Variants in MOK observed in about 807,000 individuals in gnomAD.
MOK encodes MAPK/MAK/MRK overlapping kinase.
Under a neutral mutation model 54.2 loss-of-function variants are expected in MOK, and 59 were observed. The observed-to-expected ratio is 1.09, with a 90% CI of 0.88 to 1.35. The LOEUF is 1.35. Ranked by LOEUF, MOK falls within the 40% of genes most tolerant of loss-of-function variation. The pLI, the probability that MOK is intolerant of heterozygous loss-of-function variation, is 0.00. For synonymous variants in MOK, 210 were observed against 202.7 expected, an observed-to-expected ratio of 1.04 and a Z score of -0.31; for missense variants, 517 against 526.2, an observed-to-expected ratio of 0.98 and a Z score of 0.17.
chr14:102,303,809 C>T (rs1014255477), intron 1 of MOK, among the ~76,000 whole-genome samples: 9 of 152,090 alleles, frequency 5.9e-5, no homozygotes, highest in African/African-American at 2.2e-4. Flanking sequence ...AAAGCGAGCA[C>T]ACAAAAATAA....
chr14:102,229,563 C>G lies in MOK; in HGVS notation c.1076G>C (p.Arg359Thr), dbSNP rs761740131. ...CGTGGGGCTGGAGTAAGACGACAGT[C>G]TGACCACTCCCGAAAGCTTTAGTTT... ...LPKLKLSGVV[R>T]LSSYSSPTLQ... Residue 359 changes from arginine (R) to threonine (T), a missense_variant, in exon 11 of 12, where the codon AGA becomes ACA. Physicochemically the swap from Arg to Thr is moderately conservative, Grantham distance 71 (BLOSUM62 -1). Coordinates refer to ENST00000361847, the MANE Select transcript of MOK (RefSeq NM_014226.3). The G allele has an allele frequency of 1.9e-6, 3 of 1,614,078 alleles. No individual in the cohort carries two copies. Among genetic ancestry groups the G allele is most frequent in the East Asian group, 4.5e-5 (2 of 44,882 alleles).
chr14:102,304,814 C>A, intron 1 of MOK, 148 bp downstream of exon 1: 2 of 838,326 alleles, frequency 2.4e-6, no homozygotes, highest in Non-Finnish European at 3.7e-6. Context: ...TCGGGGCCCA[C>A]ATGCGGAGCC....
chr14:102,276,779 G>A (rs1301855379), intron 2 of MOK, among the ~76,000 whole-genome samples: 17 of 137,704 alleles, frequency 1.2e-4, no homozygotes, highest in Non-Finnish European at 2.0e-4. Context: ...CAACAAGAGC[G>A]AAACTCCGTC....
the MOK span, among the ~76,000 whole-genome samples, chr14:102,216,823 G>A: frequency 2.6e-5 from 4 of 152,274 alleles, no homozygotes; most frequent in Admixed American, 6.5e-5. Context: ...CCAGCTACTC[G>A]GAAGGCTGAG....
chr14:102,300,564 C>A (rs1181024704), intron 1 of MOK, among the ~76,000 whole-genome samples: 1 of 151,970 alleles, frequency 6.6e-6, no homozygotes, highest in East Asian at 1.9e-4. Context: ...AAAGTTCAGA[C>A]AGGAAAAAAG....
At chr14:102,260,144 C>G (rs2067267588) in intron 4 of MOK, among the ~76,000 whole-genome samples, 1 of 151,054 alleles carries the variant, frequency 6.6e-6, no homozygotes. Flanking sequence ...CCATTGCACT[C>G]CAGCCTGGGC....
At position 102,235,777 on chromosome 14, in the gene MOK, G is replaced by A. The variant is rs529341756; in HGVS notation, c.591-1988C>T. Among the ~76,000 whole-genome samples, 20 of 152,154 alleles carry A rather than the reference G, an allele frequency of 1.3e-4. No individual in the cohort carries two copies. Among genetic ancestry groups the A allele is most frequent in the Admixed American group, 1.2e-3 (19 of 15,290 alleles). On this transcript the variant is annotated intron_variant, in intron 7 of 11. Coordinates refer to ENST00000361847, the MANE Select transcript of MOK (RefSeq NM_014226.3). The surrounding 1 kb of genome is among the most constrained non-coding windows in gnomAD (Gnocchi z 4.4). ...CCATTTTATTTCCCAATCTGCCCCC[G>A]ACATCTGGCGCAAACTTAAAAAGGC...
chr14:102,239,147 C>T (rs902405833), intron 7 of MOK, among the ~76,000 whole-genome samples: 4 of 152,164 alleles, frequency 2.6e-5, no homozygotes, highest in African/African-American at 9.7e-5. Context: ...CACCCAACAG[C>T]TCTCCCAGTC....
chr14:102,269,469 C>CTTTTTTTTTT (rs549235481), intron 2 of MOK, among the ~76,000 whole-genome samples: 1 of 129,378 alleles, frequency 7.7e-6, no homozygotes, highest in Non-Finnish European at 1.7e-5. Flanking sequence ...CCACAACCAG[C>CTTTTTTTTTT]TTTTTTTTTT....
downstream of MOK, among the ~76,000 whole-genome samples, chr14:102,220,988 G>A (rs879293454): frequency 1.7e-4 from 26 of 152,088 alleles, no homozygotes; most frequent in Non-Finnish European, 2.5e-4. The surrounding 1 kb of genome is among the most constrained non-coding windows in gnomAD (Gnocchi z 4.2). Context: ...GCTGGTCTCA[G>A]ACTCCTGGGC....
chr14:102,228,123 C>T (rs1208566736), downstream of MOK, among the ~76,000 whole-genome samples: 1 of 152,214 alleles, frequency 6.6e-6, no homozygotes, highest in Non-Finnish European at 1.5e-5. Flanking sequence ...ACAGGTTTCT[C>T]TTTCTAGGAC....
rs554221860 is a variant in MOK, at chr14:102,233,865, A to C, written c.591-76T>G. ...ACCTCACCAATTACAAACCATCTGG[A>C]CCGCACAAGGGGAGATCGTGGGAAG... On this transcript the variant is annotated intron_variant, in intron 7 of 11. Transcript: ENST00000361847. 1.7e-5 allele frequency: 18 copies of C among 1,090,756 alleles called. No individual in the cohort carries two copies. The South Asian group carries it at 2.3e-4, about 14-fold the overall frequency. 67.6% of individuals were successfully genotyped at this position (1,090,756 alleles called of 1,614,324 possible).
intron 2 of MOK, among the ~76,000 whole-genome samples, chr14:102,282,953 C>T (rs1307459707): frequency 6.8e-6 from 1 of 147,848 alleles, no homozygotes; most frequent in Admixed American, 6.9e-5. Context: ...TACTAGGAGG[C>T]TAAGTCACGA....
chr14:102,293,172 A>C (rs1377942781), intron 1 of MOK, among the ~76,000 whole-genome samples: 1 of 152,208 alleles, frequency 6.6e-6, no homozygotes, highest in Non-Finnish European at 1.5e-5. Flanking sequence ...AACTTCATAA[A>C]CAAAGATGGT....
intron 1 of MOK, among the ~76,000 whole-genome samples, chr14:102,294,816 C>T (rs534828413): frequency 1.6e-4 from 25 of 152,262 alleles, no homozygotes; most frequent in African/African-American, 4.8e-4. Context: ...GGTTTCAGCA[C>T]ACAAATTCAG....
At chr14:102,275,868 T>C (rs1007395279) in intron 2 of MOK, among the ~76,000 whole-genome samples, 10 of 152,118 alleles carry the variant, frequency 6.6e-5, no homozygotes, top group Admixed American at 6.6e-5. Flanking sequence ...TATAAAGAAC[T>C]CCTAAATTCA....
chr14:102,227,592 C>T (rs1446954045), downstream of MOK, among the ~76,000 whole-genome samples: 1 of 152,066 alleles, frequency 6.6e-6, no homozygotes, highest in African/African-American at 2.4e-5. Context: ...GCCTCCCTTC[C>T]GGTCTGAAAA....
rs1325600470 is a variant in MOK, at chr14:102,236,592, CCCTCCTACT to C, written c.591-2812_591-2804del. Among the ~76,000 whole-genome samples the C allele has an allele frequency of 2.0e-5, 3 of 152,164 alleles. No individual in the cohort carries two copies. The highest frequency in any genetic ancestry group is 7.2e-5 in the African/African-American group (3 of 41,424). On this transcript the variant is annotated intron_variant, in intron 7 of 11. Transcript: ENST00000361847. The surrounding 1 kb of genome is among the most constrained non-coding windows in gnomAD (Gnocchi z 4.5). ...TTTTTCTCCCTCCCTCAACCGGAGT[CCCTCCTACT>C]CCTCTATGCGAGTCCAGCCCCTGAC...
At chr14:102,289,771 T>A (rs2070545421) in intron 1 of MOK, among the ~76,000 whole-genome samples, 1 of 152,194 alleles carries the variant, frequency 6.6e-6, no homozygotes, top group African/African-American at 2.4e-5. Context: ...CCTCCCAAAG[T>A]GCTGGGATTA....
Sources: gnomAD v4.1 joint callset for allele counts (sites outside exome capture counted in the v4.1 genomes callset) on GRCh38, gnomAD v4.1.1 for gene constraint, Gnocchi (gnomAD v3.1) non-coding constraint, MANE v1.5 for transcripts, NCBI Gene and HGNC (gene_info 2026-07-23, HGNC 2026-07-21) for gene names.